The following SH3D19 variants were observed in gnomAD, a reference collection of about 807,000 sequenced individuals.
The protein encoded by SH3D19 is SH3 domain containing 19, also known as SH3 domain-containing protein 19.
A neutral mutation model predicts 112.1 loss-of-function variants in SH3D19; 58 were observed. That is an observed-to-expected ratio of 0.52 (90% CI 0.42 to 0.64). The LOEUF (loss-of-function observed/expected upper bound fraction) is 0.64. SH3D19 is among the 30% of genes least tolerant of loss of function. SH3D19 has a pLI of 0.00. For synonymous variants in SH3D19, 391 were observed against 448.5 expected (o/e 0.87, Z 1.62); for missense variants, 1,090 against 1,263.4 (o/e 0.86, Z 2.08).
intron 1 of SH3D19, among the ~76,000 whole-genome samples, chr4:151,249,238 C>T (rs149517125): frequency 6.6e-6 from 1 of 152,226 alleles, no homozygotes; most frequent in African/African-American, 2.4e-5. Context: ...GTAAAAGTCA[C>T]AATATTTAAA....
chr4:151,139,255 G>A (rs1291710505), intron 13 of SH3D19, among the ~76,000 whole-genome samples: 2 of 151,792 alleles, frequency 1.3e-5, no homozygotes, highest in Non-Finnish European at 2.9e-5. Context: ...GCGGGTTCAC[G>A]CCATTCTCCT....
At chr4:151,311,823 G>C (rs138459688) in intron 1 of SH3D19, among the ~76,000 whole-genome samples, 90 of 152,308 alleles carry the variant, frequency 5.9e-4, no homozygotes, top group African/African-American at 2.0e-3. Flanking sequence ...CTGGGCAACA[G>C]AGTGAGACCC....
chr4:151,259,030 A>G (rs951499638), intron 1 of SH3D19, among the ~76,000 whole-genome samples: 1 of 152,096 alleles, frequency 6.6e-6, no homozygotes, highest in Non-Finnish European at 1.5e-5. Context: ...TGTAGCAGCA[A>G]GAATCCATCA....
At chr4:151,203,844 T>C (rs1448991966) in intron 2 of SH3D19, among the ~76,000 whole-genome samples, 1 of 152,202 alleles carries the variant, frequency 6.6e-6, no homozygotes, top group African/African-American at 2.4e-5. Context: ...TTTTATATTA[T>C]TTAGGGGAAC....
chr4:151,176,127 C>T (rs572519328), intron 6 of SH3D19, among the ~76,000 whole-genome samples: 2 of 152,284 alleles, frequency 1.3e-5, no homozygotes, highest in South Asian at 4.2e-4. Context: ...CCGCCTTAGT[C>T]TCCTAAAGCG....
At position 151,148,325 on chromosome 4, in the gene SH3D19, T is replaced by G. The variant is rs1004986179; in HGVS notation, c.1818-139A>C. 9 of 913,104 alleles carry G rather than the reference T, an allele frequency of 9.9e-6. No individual in the cohort carries two copies. The African/African-American group carries it at 1.4e-4, about 14-fold the overall frequency. 56.6% of individuals were successfully genotyped at this position (913,104 alleles called of 1,614,324 possible). A position where few individuals can be genotyped will look rare whatever the true frequency, so the allele number is the denominator to read the frequency against. Reference sequence around the variant, plus strand: ...TTTCTGCTAGTGGAATACAGTTTACTGAAACATGCAGGGTATGCTATTTTT... The same window carrying G: ...TTTCTGCTAGTGGAATACAGTTTACGGAAACATGCAGGGTATGCTATTTTT... On this transcript the variant is annotated intron_variant, in intron 10 of 19. Coordinates refer to ENST00000604030, the MANE Select transcript of SH3D19 (RefSeq NM_001378122.1).
chr4:151,238,395 ATC>A (rs1320337977), intron 1 of SH3D19, among the ~76,000 whole-genome samples: 65 of 152,326 alleles, frequency 4.3e-4, no homozygotes, highest in African/African-American at 1.5e-3. Context: ...GACGGATAAC[ATC>A]TCTACACATT....
intron 1 of SH3D19, among the ~76,000 whole-genome samples, chr4:151,261,846 T>C (rs1772401457): frequency 6.6e-6 from 1 of 152,142 alleles, no homozygotes; most frequent in Non-Finnish European, 1.5e-5. Flanking sequence ...TTTCCCTCCA[T>C]ACCTGGGTGG....
chr4:151,148,469 C>T (rs993119113), intron 10 of SH3D19, among the ~76,000 whole-genome samples: 19 of 152,176 alleles, frequency 1.2e-4, no homozygotes, highest in African/African-American at 4.3e-4. Flanking sequence ...TTTACTATCA[C>T]GGGCTCTCTA....
chr4:151,197,533 G>A (rs374381995), intron 2 of SH3D19, among the ~76,000 whole-genome samples: 7 of 152,348 alleles, frequency 4.6e-5, no homozygotes, highest in Middle Eastern at 3.4e-3. Flanking sequence ...GTGCATGCAC[G>A]TGACTATTTG....
At chr4:151,170,943 T>C (rs1408434266) in intron 7 of SH3D19, among the ~76,000 whole-genome samples, 1 of 152,190 alleles carries the variant, frequency 6.6e-6, no homozygotes, top group Non-Finnish European at 1.5e-5. Context: ...ATAGCTAAAA[T>C]AACATAAAAA....
At chr4:151,278,657 G>A (rs1021228813) in intron 1 of SH3D19, among the ~76,000 whole-genome samples, 1 of 151,784 alleles carries the variant, frequency 6.6e-6, no homozygotes, top group Non-Finnish European at 1.5e-5. Flanking sequence ...TTCAGACAGG[G>A]TCTCACTCTC....
rs1038113952 is a variant in SH3D19 at position 151,247,208 on chromosome 4, G to A, written c.113-21122C>T. Among the ~76,000 whole-genome samples the A allele has an allele frequency of 3.3e-5, 5 of 152,042 alleles. No individual in the cohort carries two copies. In the South Asian group the frequency reaches 8.3e-4, roughly 25 times the overall value. ...AAATTGGTCCCTGGTCTTCTTTTAG[G>A]AGAAATATATTTTCTGTGTTTCAAT... On this transcript the variant is annotated intron_variant, in intron 1 of 19. Coordinates refer to ENST00000604030, the MANE Select transcript of SH3D19 (RefSeq NM_001378122.1).
intron 2 of SH3D19, among the ~76,000 whole-genome samples, chr4:151,215,107 T>C (rs568104400): frequency 6.6e-6 from 1 of 152,292 alleles, no homozygotes; most frequent in African/African-American, 2.4e-5. Flanking sequence ...ACTTCCTAGC[T>C]AACTTTTAAA....
intron 1 of SH3D19, among the ~76,000 whole-genome samples, chr4:151,254,040 T>C (rs1771612973): frequency 2.0e-5 from 3 of 152,190 alleles, no homozygotes; most frequent in South Asian, 4.1e-4. Flanking sequence ...AGCTTTGTTA[T>C]TGCACAGTAT....
chr4:151,301,201 C>A (rs1488768335), intron 1 of SH3D19, among the ~76,000 whole-genome samples: 1 of 152,206 alleles, frequency 6.6e-6, no homozygotes, highest in East Asian at 1.9e-4. Flanking sequence ...GCTGTTCTCA[C>A]AACAGAGTTC....
In SH3D19 at chr4:151,325,492, C is replaced by A. The variant is rs1273871792; in HGVS notation, c.-140G>T. 5.8e-5 allele frequency: 20 copies of A among 346,186 alleles called. No individual in the cohort carries two copies. The highest frequency in any genetic ancestry group is 1.4e-4 in the South Asian group (1 of 6,994). 21.4% of individuals were successfully genotyped at this position (346,186 alleles called of 1,614,324 possible). A position where few individuals can be genotyped will look rare whatever the true frequency, so the allele number is the denominator to read the frequency against. ...CCCGGAGAGGAGGCGTCGGCGGCGGCTGTGGAAATGGCCACCTCCGCGAAC... is the reference window on the plus strand; with the variant it reads ...CCCGGAGAGGAGGCGTCGGCGGCGGATGTGGAAATGGCCACCTCCGCGAAC... On this transcript the variant is annotated 5_prime_UTR_variant, in exon 1 of 20. Transcript: ENST00000604030.
At chr4:151,245,454 T>C (rs1770874374) in intron 1 of SH3D19, among the ~76,000 whole-genome samples, 1 of 152,196 alleles carries the variant, frequency 6.6e-6, no homozygotes, top group Admixed American at 6.5e-5. Flanking sequence ...TTCCAGACTT[T>C]AATGGCAACT....
intron 15 of SH3D19, 58 bp downstream of exon 15, chr4:151,135,016 A>T: frequency 7.2e-7 from 1 of 1,389,352 alleles, no homozygotes; most frequent in Non-Finnish European, 1.0e-6. Flanking sequence ...ATAATTCTTC[A>T]TGATATAGAT....
Sources: gnomAD v4.1 joint callset for allele counts (sites outside exome capture counted in the v4.1 genomes callset) on GRCh38, gnomAD v4.1.1 for gene constraint, MANE v1.5 for transcripts, NCBI Gene and HGNC (gene_info 2026-07-23, HGNC 2026-07-21) for gene names.